CPSF2: variants seen among roughly 807,000 people sequenced by gnomAD.
The protein encoded by CPSF2 is cleavage and polyadenylation specificity factor subunit 2.
Under a neutral mutation model 84.2 loss-of-function variants are expected in CPSF2, and 51 were observed. The observed-to-expected ratio is 0.61, with a 90% CI of 0.48 to 0.77. The LOEUF is 0.77. CPSF2 is among the 30% of genes least tolerant of loss of function. The pLI, the probability that CPSF2 is intolerant of heterozygous loss-of-function variation, is 0.00. For missense variants in CPSF2, 641 were observed against 929.4 expected (o/e 0.69, Z 4.03); for synonymous variants, 286 against 311.9 (o/e 0.92, Z 0.87).
Position 92,147,881 on chromosome 14 carries a change from G to A in CPSF2, c.1140+4587G>A, listed in dbSNP as rs1595061305. Among the ~76,000 whole-genome samples, 4 of 152,174 alleles carry A rather than the reference G, an allele frequency of 2.6e-5. 1 individual carries two copies. In the South Asian group the frequency reaches 8.3e-4, roughly 32 times the overall value. On this transcript the variant is annotated intron_variant, in intron 9 of 15. Transcript: ENST00000298875. Reference sequence around the variant, plus strand: ...TCGCACTGCAGGCATGTGCCGCCATGCCCAGCTAATTTAAAAAAAAATTTA... The same window carrying A: ...TCGCACTGCAGGCATGTGCCGCCATACCCAGCTAATTTAAAAAAAAATTTA...
In CPSF2 at chr14:92,163,754, G is replaced by A. The variant is rs1322436086; in HGVS notation, c.*2010G>A. ...TTTGTTTTTTGTTTTTTGAGATGGA[G>A]TTTTGCTCTTGTTGCCCAGACTGGA... On this transcript the variant is annotated 3_prime_UTR_variant, in exon 16 of 16. Coordinates refer to ENST00000298875, the MANE Select transcript of CPSF2 (RefSeq NM_017437.3). 1 of 152,306 alleles carries A rather than the reference G, an allele frequency of 6.6e-6. No individual in the cohort carries two copies. Among genetic ancestry groups the A allele is most frequent in the Non-Finnish European group, 1.5e-5 (1 of 68,284 alleles). 9.4% of individuals were successfully genotyped at this position (152,306 alleles called of 1,614,324 possible).
In CPSF2 at chr14:92,143,173, A is replaced by C. The variant is rs369411839; in HGVS notation, c.1019A>C (p.Asp340Ala). Residue 340 changes from aspartate to alanine, a missense_variant, in exon 9 of 16, where the codon GAT becomes GCT. By Grantham distance (126) the Asp-to-Ala change is moderately radical. Coordinates refer to ENST00000298875, the MANE Select transcript of CPSF2 (RefSeq NM_017437.3). ...QPDLECGFSR[D>A]LFIQWCQDPK... ...GACCTGGAATGCGGATTTTCAAGGGATCTCTTTATTCAGTGGTGTCAGGAC... is the reference window on the plus strand; with the variant it reads ...GACCTGGAATGCGGATTTTCAAGGGCTCTCTTTATTCAGTGGTGTCAGGAC... 14 of 1,613,948 alleles carry C rather than the reference A, an allele frequency of 8.7e-6. No homozygotes were observed. The highest frequency in any genetic ancestry group is 1.1e-5 in the Non-Finnish European group (13 of 1,180,018).
intron 9 of CPSF2, chr14:92,153,896 C>T (rs1298764907): frequency 7.4e-6 from 1 of 135,994 alleles, no homozygotes; most frequent in Non-Finnish European, 1.5e-5. Flanking sequence ...TATGTGGAGA[C>T]AAAGTCTCAT....
intron 1 of CPSF2, among the ~76,000 whole-genome samples, chr14:92,122,838 CTTTCT>C (rs1483387307): frequency 6.6e-6 from 1 of 151,134 alleles, no homozygotes; most frequent in Non-Finnish European, 1.5e-5. Context: ...CCTTTAACCC[CTTTCT>C]TTTTTCTTTC....
Position 92,159,999 on chromosome 14 carries a change from G to T in CPSF2, c.2121+717G>T, listed in dbSNP as rs2069350011. 1.3e-5 allele frequency among the ~76,000 whole-genome samples: 2 copies of T among 151,538 alleles called. 1 individual carries two copies. Among genetic ancestry groups the T allele is most frequent in the South Asian group, 4.2e-4 (2 of 4,814 alleles). On this transcript the variant is annotated intron_variant, in intron 14 of 15. Coordinates refer to ENST00000298875, the MANE Select transcript of CPSF2 (RefSeq NM_017437.3). Reference sequence around the variant, plus strand: ...GTTTTTTGAGATGGAGTCTCGCTCTGTTGCCCAGGATTGAGTGCAGTGGTG... The same window carrying T: ...GTTTTTTGAGATGGAGTCTCGCTCTTTTGCCCAGGATTGAGTGCAGTGGTG...
In CPSF2 at chr14:92,169,039, A is replaced by G. The variant is rs1470431704; in HGVS notation, c.*7295A>G. On this transcript the variant is annotated 3_prime_UTR_variant, in exon 16 of 16. Coordinates refer to ENST00000298875, the MANE Select transcript of CPSF2 (RefSeq NM_017437.3). ...CATTTTCTGAGGTTATGTTGACTTT[A>G]ATATCCAATGTATCATAGGTGTTTT... The G allele has an allele frequency of 6.6e-6, 1 of 152,192 alleles. No individual in the cohort carries two copies. Among genetic ancestry groups the G allele is most frequent in the Non-Finnish European group, 1.5e-5 (1 of 68,030 alleles). The allele number at this position is 152,192 out of a possible 1,614,324, so 9.4% of individuals were successfully genotyped here.
At position 92,161,960 on chromosome 14, in the gene CPSF2, C is replaced by CATT; in HGVS notation, c.*217_*218insTTA. ...GCTTTCAGAGTGATAGAGCTCCTAACAGGTGTACAGGCCCAAGAGTTGAAG... is the reference window on the plus strand; with the variant it reads ...GCTTTCAGAGTGATAGAGCTCCTAACATTAGGTGTACAGGCCCAAGAGTTGAAG... On this transcript the variant is annotated 3_prime_UTR_variant, in exon 16 of 16. Coordinates refer to ENST00000298875, the MANE Select transcript of CPSF2 (RefSeq NM_017437.3). 2 of 399,652 alleles carry CATT rather than the reference C, an allele frequency of 5.0e-6. No individual in the cohort carries two copies. The allele number at this position is 399,652 out of a possible 1,614,324, so 24.8% of individuals were successfully genotyped here.
intron 2 of CPSF2, among the ~76,000 whole-genome samples, chr14:92,130,651 T>G (rs557373795): frequency 6.6e-6 from 1 of 152,284 alleles, no homozygotes; most frequent in African/African-American, 2.4e-5. Context: ...CACATAGAAG[T>G]AGATTCATAT....
chr14:92,159,048 TTGGATAGATGG>T lies in CPSF2; in HGVS notation c.1890_1900del (p.Trp630CysfsTer23). 1 of 1,614,074 alleles carries T rather than the reference TTGGATAGATGG, an allele frequency of 6.2e-7. No individual in the cohort carries two copies. The highest frequency in any genetic ancestry group is 8.5e-7 in the Non-Finnish European group (1 of 1,179,994). On this transcript the variant is annotated frameshift_variant, in exon 14 of 16. Transcript: ENST00000298875. LOFTEE classifies it high-confidence loss of function. The stretch of plus-strand genomic sequence containing the variant: ...GTAAGGCAAAAGATGCTGAATTAGC[TTGGATAGATGG>T]TGTCTTAGATATGAGAGTTTCCAAA...
intron 1 of CPSF2, among the ~76,000 whole-genome samples, chr14:92,122,684 C>G (rs2068789374): frequency 6.6e-6 from 1 of 151,286 alleles, no homozygotes; most frequent in African/African-American, 2.4e-5. Flanking sequence ...CTGCGAAGTT[C>G]TAATTCTTTT....
Position 92,158,977 on chromosome 14 carries a change from G to A in CPSF2, c.1822-6G>A, listed in dbSNP as rs1210955860. On this transcript the variant is annotated splice_polypyrimidine_tract_variant and splice_region_variant and intron_variant, in intron 13 of 15. Coordinates refer to ENST00000298875, the MANE Select transcript of CPSF2 (RefSeq NM_017437.3). ...TTATTTCTCTCCCCCTCCTTTGCAT[G>A]TCTAGGTGAGGTTAAAAGACTCACT... 1.2e-6 allele frequency: 2 copies of A among 1,605,548 alleles called. No homozygotes were observed. The highest frequency in any genetic ancestry group is 1.7e-6 in the Non-Finnish European group (2 of 1,175,080).
At position 92,155,316 on chromosome 14, in the gene CPSF2, A is replaced by T. The variant is rs1195931959; in HGVS notation, c.1435A>T (p.Ile479Phe). 1.2e-6 allele frequency: 2 copies of T among 1,612,886 alleles called. No individual in the cohort carries two copies. The highest frequency in any genetic ancestry group is 8.5e-7 in the Non-Finnish European group (1 of 1,179,004). The change falls in exon 11 of 16, where the codon ATT (isoleucine) becomes TTT (phenylalanine). Residue 479 changes from isoleucine to phenylalanine, a missense_variant. Ile to Phe is a conservative substitution (Grantham distance 21). Around this residue, in one of 2 missense-constraint regions of CPSF2, gnomAD observed 430 missense variants for 553.6 expected, o/e 0.78. Transcript: ENST00000298875. ...AATTAAATGGGATGAATATGGAGAGATTATCAAGTATGTGAGCAAAACAAA... is the reference window on the plus strand; with the variant it reads ...AATTAAATGGGATGAATATGGAGAGTTTATCAAGTATGTGAGCAAAACAAA... Reference protein sequence around the residue: ...ERIKWDEYGEIIKPEDFLVPE... With the variant: ...ERIKWDEYGEFIKPEDFLVPE...
chr14:92,134,500 T>A, intron 5 of CPSF2, 145 bp downstream of exon 5: 1 of 595,446 alleles, frequency 1.7e-6, no homozygotes, highest in East Asian at 2.8e-5. Context: ...TACAGAACTC[T>A]TAACTTCCAT....
intron 3 of CPSF2, among the ~76,000 whole-genome samples, chr14:92,133,257 C>CA (rs1220556749): frequency 6.6e-6 from 1 of 150,560 alleles, no homozygotes; most frequent in African/African-American, 2.4e-5. Flanking sequence ...CCATCTCTAC[C>CA]AAAAATACAA....
intron 9 of CPSF2, among the ~76,000 whole-genome samples, chr14:92,150,855 A>C (rs2069206178): frequency 6.6e-6 from 1 of 152,212 alleles, no homozygotes; most frequent in African/African-American, 2.4e-5. Context: ...GTTGGCTTAA[A>C]TCTGATAAAA....
chr14:92,158,956 T>C (rs1042144630), intron 13 of CPSF2, 27 bp from the exon 14 acceptor site: 2 of 1,561,136 alleles, frequency 1.3e-6, no homozygotes, highest in Non-Finnish European at 1.7e-6. Flanking sequence ...TGGGTTTTAT[T>C]TCTCTCCCCC....
chr14:92,134,697 T>C (rs1373187098), intron 5 of CPSF2, among the ~76,000 whole-genome samples: 2 of 152,200 alleles, frequency 1.3e-5, no homozygotes, highest in Non-Finnish European at 2.9e-5. Flanking sequence ...GATGGCTAAA[T>C]GTAGTGATTG....
rs2069505871 is a variant in CPSF2, at chr14:92,170,597, C to G, written c.*8853C>G. ...GAAGCACGCATTTAGTTACATTTTC[C>G]CTTTAGTCTTCCTCAATCTGGAGCG... On this transcript the variant is annotated 3_prime_UTR_variant, in exon 16 of 16. Transcript: ENST00000298875. The G allele has an allele frequency of 6.6e-6, 1 of 152,176 alleles. No individual in the cohort carries two copies. The highest frequency in any genetic ancestry group is 1.5e-5 in the Non-Finnish European group (1 of 68,024). 9.4% of individuals were successfully genotyped at this position (152,176 alleles called of 1,614,324 possible).
At position 92,161,634 on chromosome 14, in the gene CPSF2, T is replaced by G; in HGVS notation, c.2257-18T>G. The G allele has an allele frequency of 6.4e-7, 1 of 1,550,616 alleles. No individual in the cohort carries two copies. The highest frequency in any genetic ancestry group is 8.7e-7 in the Non-Finnish European group (1 of 1,149,126). ...GAATAGAAAATGTACTAAAGAATTTTTTTTATTTGGTTTCTAGACGGAAAC... is the reference window on the plus strand; with the variant it reads ...GAATAGAAAATGTACTAAAGAATTTGTTTTATTTGGTTTCTAGACGGAAAC... On this transcript the variant is annotated intron_variant, in intron 15 of 15. Transcript: ENST00000298875.
Sources: allele counts gnomAD v4.1 joint callset (sites outside exome capture counted in the v4.1 genomes callset), GRCh38; gene constraint gnomAD v4.1.1; regional missense constraint gnomAD v4.1.1; transcripts MANE v1.5; gene names NCBI Gene and HGNC (gene_info 2026-07-23, HGNC 2026-07-21).